Variants in PFKM observed in about 807,000 individuals in gnomAD.
PFKM encodes phosphofructokinase, muscle, also known as ATP-dependent 6-phosphofructokinase, muscle type.
A neutral mutation model predicts 95.5 loss-of-function variants in PFKM; 58 were observed. The observed-to-expected ratio is 0.61, with a 90% confidence interval of 0.49 to 0.76. The LOEUF is 0.76. Ranked by LOEUF, PFKM falls within the 30% of genes least tolerant of loss-of-function variation. The probability of loss-of-function intolerance (pLI) is 0.00; values close to 1 mark genes in which losing one functional copy is unlikely to be tolerated. For synonymous variants in PFKM, 336 were observed against 357.2 expected (o/e 0.94, Z 0.67); for missense variants, 678 against 1,005.4 (o/e 0.67, Z 4.40).
chr12:48,109,358 CTTTTTCT>C (rs1946988763), intron 3 of PFKM, among the ~76,000 whole-genome samples: 1 of 143,074 alleles, frequency 7.0e-6, no homozygotes, highest in South Asian at 2.4e-4. Flanking sequence ...TCCTTCCTTT[CTTTTTCT>C]TTTCTTTCCT....
At chr12:48,114,339 A>G (rs1210944667) in intron 3 of PFKM, among the ~76,000 whole-genome samples, 1 of 152,188 alleles carries the variant, frequency 6.6e-6, no homozygotes, top group Non-Finnish European at 1.5e-5. Context: ...AAGGTCTGAT[A>G]GAGAAAAAGG....
chr12:48,106,193 G>C, intron 1 of PFKM: 1 of 681,360 alleles, frequency 1.5e-6, no homozygotes, highest in Non-Finnish European at 2.7e-6. Flanking sequence ...TTAAGGACCA[G>C]TGGGGCGCCT....
At position 48,145,478 on chromosome 12, in the gene PFKM, C is replaced by T. The variant is rs563115046; in HGVS notation, c.2199-86C>T. 2 of 1,520,746 alleles carry T rather than the reference C, an allele frequency of 1.3e-6. No homozygotes were observed. The highest frequency in any genetic ancestry group is 4.5e-5 in the East Asian group (2 of 44,176). The allele number at this position is 1,520,746 out of a possible 1,614,324, so 94.2% of individuals were successfully genotyped here. A position where few individuals can be genotyped will look rare whatever the true frequency, so the allele number is the denominator to read the frequency against. On this transcript the variant is annotated intron_variant, in intron 22 of 22. Coordinates refer to ENST00000359794, the MANE Select transcript of PFKM (RefSeq NM_000289.6). The surrounding 1 kb of genome is among the most constrained non-coding windows in gnomAD (Gnocchi z 4.3). ...GCACATGTCCTAAATCTAACCTCTT[C>T]TGTCTAACTTCTTCCTATAAACCTT...
At chr12:48,111,167 T>G (rs1209792365) in intron 3 of PFKM, among the ~76,000 whole-genome samples, 1 of 152,224 alleles carries the variant, frequency 6.6e-6, no homozygotes, top group Non-Finnish European at 1.5e-5. Context: ...TCAAGACTAC[T>G]TCTAGTGACC....
chr12:48,143,239 A>T (rs1950731995), intron 18 of PFKM, among the ~76,000 whole-genome samples: 1 of 152,234 alleles, frequency 6.6e-6, no homozygotes, highest in Non-Finnish European at 1.5e-5. Flanking sequence ...CTATCTCCAT[A>T]TAACATAGAA....
chr12:48,105,852 C>G (rs1946515416), upstream of PFKM: 1 of 601,576 alleles, frequency 1.7e-6, no homozygotes, highest in South Asian at 2.0e-5. Context: ...GGCCACCGGA[C>G]AGCAGGGGGG....
upstream of PFKM, among the ~76,000 whole-genome samples, chr12:48,117,925 TC>T (rs1336973483): frequency 4.6e-5 from 7 of 152,198 alleles, no homozygotes; most frequent in Non-Finnish European, 2.9e-5. Context: ...GAGCGGGGCT[TC>T]CAGGTCATAG....
Position 48,140,816 on chromosome 12 carries a change from A to G in PFKM, c.1286A>G (p.Gln429Arg), listed in dbSNP as rs746709894. 2 of 1,614,210 alleles carry G rather than the reference A, an allele frequency of 1.2e-6. No homozygotes were observed. The highest frequency in any genetic ancestry group is 3.3e-5 in the Admixed American group (2 of 60,034). ...VRSTVRIGLI[Q>R]GNRVLVVHDG... Reference sequence around the variant, plus strand: ...TCCACTGTGAGGATTGGCCTTATCCAGGGCAACCGAGTGCTCGTTGTCCAT... The same window carrying G: ...TCCACTGTGAGGATTGGCCTTATCCGGGGCAACCGAGTGCTCGTTGTCCAT... Residue 429 changes from glutamine to arginine, a missense_variant, in exon 14 of 23, where the codon CAG becomes CGG. By Grantham distance (43) the Gln-to-Arg change is conservative. Coordinates refer to ENST00000359794, the MANE Select transcript of PFKM (RefSeq NM_000289.6).
chr12:48,137,516 G>T, intron 10 of PFKM: 1 of 610,514 alleles, frequency 1.6e-6, no homozygotes, highest in Non-Finnish European at 2.9e-6. Flanking sequence ...GAATCTTTGG[G>T]GTTCCGATGG....
intron 17 of PFKM, 193 bp downstream of exon 17, chr12:48,142,259 G>C (rs553786401): frequency 3.9e-5 from 25 of 646,420 alleles, no homozygotes; most frequent in Admixed American, 1.1e-4. Flanking sequence ...GATCACTTGG[G>C]GTCAGGAGTT....
At chr12:48,144,021 C>G (rs1157284133) in intron 19 of PFKM, 25 bp from the exon 20 acceptor site, 1 of 1,514,294 alleles carries the variant, frequency 6.6e-7, no homozygotes. Flanking sequence ...CACAGAGTCA[C>G]AGGCTTTTGG....
chr12:48,119,077 C>T (rs1283841077), upstream of PFKM, among the ~76,000 whole-genome samples: 5 of 152,072 alleles, frequency 3.3e-5, no homozygotes, highest in South Asian at 4.1e-4. Flanking sequence ...AGAGAAGCAA[C>T]GAAATAATTT....
chr12:48,139,471 C>A, intron 12 of PFKM, 122 bp downstream of exon 12: 1 of 779,534 alleles, frequency 1.3e-6, no homozygotes, highest in Non-Finnish European at 2.2e-6. Flanking sequence ...ATTCTCTCTG[C>A]AGCAAGTTCC....
intron 2 of PFKM, among the ~76,000 whole-genome samples, chr12:48,124,687 G>C (rs1948638944): frequency 1.3e-5 from 2 of 152,126 alleles, no homozygotes; most frequent in African/African-American, 2.4e-5. Context: ...ATTTCTGAAG[G>C]ACCCAGCTGA....
chr12:48,122,530 G>A, intron 1 of PFKM: 1 of 1,330,876 alleles, frequency 7.5e-7, no homozygotes, highest in Non-Finnish European at 9.7e-7. Context: ...GGAGGGATCA[G>A]GGAGGAATTA....
rs778639985 is a variant in PFKM at position 48,135,970 on chromosome 12, G to A, written c.936+587G>A. ...ATGGTGCGACCTTGGCTCACTGCACGCTCTGCCTCCCGGGTTCACACCATT... is the reference window on the plus strand; with the variant it reads ...ATGGTGCGACCTTGGCTCACTGCACACTCTGCCTCCCGGGTTCACACCATT... On this transcript the variant is annotated intron_variant, in intron 10 of 22. Transcript: ENST00000359794. 5.4e-4 allele frequency among the ~76,000 whole-genome samples: 82 copies of A among 151,826 alleles called. 1 individual carries two copies. The highest frequency in any genetic ancestry group is 3.3e-4 in the Admixed American group (5 of 15,250).
upstream of PFKM, chr12:48,105,444 G>T (rs775100098): frequency 1.9e-6 from 1 of 519,054 alleles, no homozygotes; most frequent in Non-Finnish European, 3.8e-6. Flanking sequence ...GCAGTTAAGG[G>T]GATTTTCATA....
In PFKM at chr12:48,133,341, A is replaced by G. The variant is rs1405883100; in HGVS notation, c.454A>G (p.Lys152Glu). 1 of 1,614,156 alleles carries G rather than the reference A, an allele frequency of 6.2e-7. No individual in the cohort carries two copies. Among genetic ancestry groups the G allele is most frequent in the South Asian group, 1.1e-5 (1 of 91,082 alleles). ...AGKITDEEAT[K>E]SSYLNIVGLV... ...TAAGATCACAGATGAGGAGGCTACG[A>G]AGTCCAGCTACCTGAACATTGTGGG... The change falls in exon 6 of 23, where the codon AAG (lysine) becomes GAG (glutamate). Residue 152 changes from lysine (K) to glutamate (E), a missense_variant. Lys to Glu is a moderately conservative substitution (Grantham distance 56). Transcript: ENST00000359794.
intron 1 of PFKM, chr12:48,107,324 C>T: frequency 7.8e-7 from 1 of 1,289,208 alleles, no homozygotes; most frequent in South Asian, 1.2e-5. Flanking sequence ...TCTTATTTCA[C>T]AGCTCTGTTC....
Sources: allele counts gnomAD v4.1 joint callset (sites outside exome capture counted in the v4.1 genomes callset), GRCh38; gene constraint gnomAD v4.1.1; non-coding constraint Gnocchi (gnomAD v3.1); transcripts MANE v1.5; gene names NCBI Gene and HGNC (gene_info 2026-07-23, HGNC 2026-07-21).